Variants in CECR2 observed in about 807,000 individuals in gnomAD.
The protein encoded by CECR2 is chromatin remodeling regulator CECR2.
CECR2 carries 30 observed loss-of-function variants against 154.5 expected under a neutral mutation model. That is an observed-to-expected ratio of 0.19 (90% CI 0.15 to 0.26). CECR2 has a LOEUF of 0.26. CECR2 is among the 10% of genes least tolerant of loss of function. The pLI, the probability that CECR2 is intolerant of heterozygous loss-of-function variation, is 1.00. For synonymous variants in CECR2, 725 were observed against 683.7 expected (o/e 1.06, Z -0.94); for missense variants, 1,743 against 1,829.3 (o/e 0.95, Z 0.86).
chr22:17,467,606 A>AC (rs1357943746), intron 1 of CECR2, among the ~76,000 whole-genome samples: 4 of 152,086 alleles, frequency 2.6e-5, no homozygotes, highest in Non-Finnish European at 5.9e-5. Context: ...ACATGGTGAA[A>AC]CCCCGTCTCT....
chr22:17,543,038 C>T (rs777738654), intron 16 of CECR2, 35 bp downstream of exon 16: 3 of 1,552,630 alleles, frequency 1.9e-6, no homozygotes, highest in Non-Finnish European at 2.6e-6. Context: ...TCTTTAAGCT[C>T]TTGTTTCATG....
At chr22:17,390,875 A>G (rs2063318599) in intron 1 of CECR2, among the ~76,000 whole-genome samples, 1 of 152,236 alleles carries the variant, frequency 6.6e-6, no homozygotes, top group African/African-American at 2.4e-5. Context: ...GAACACTGAT[A>G]AACAATGTTC....
chr22:17,478,886 A>G (rs1401396703), intron 2 of CECR2, among the ~76,000 whole-genome samples: 1 of 152,202 alleles, frequency 6.6e-6, no homozygotes, highest in Non-Finnish European at 1.5e-5. Context: ...TAAACATAAA[A>G]TATACCTTAG....
At chr22:17,439,752 A>G (rs2054556441) in intron 1 of CECR2, among the ~76,000 whole-genome samples, 1 of 152,320 alleles carries the variant, frequency 6.6e-6, no homozygotes, top group African/African-American at 2.4e-5. Flanking sequence ...ATTTTAATCA[A>G]TGGGTACAAA....
At chr22:17,494,770 C>G (rs139906625) in intron 2 of CECR2, among the ~76,000 whole-genome samples, 90 of 152,298 alleles carry the variant, frequency 5.9e-4, no homozygotes, top group Admixed American at 4.8e-3. Flanking sequence ...TCTCGGCTCA[C>G]GGCAAACTCT....
intron 16 of CECR2, among the ~76,000 whole-genome samples, chr22:17,547,481 C>T (rs188728930): frequency 2.4e-4 from 36 of 152,158 alleles, no homozygotes; most frequent in Non-Finnish European, 4.0e-4. Context: ...CTGCCCGCCT[C>T]GGCCTCCCAA....
chr22:17,419,351 A>C (rs557612944), intron 1 of CECR2: 37 of 172,094 alleles, frequency 2.1e-4, no homozygotes, highest in Non-Finnish European at 3.7e-4. Flanking sequence ...GAGAGTGAAG[A>C]AGCACTGTAA....
At chr22:17,462,076 C>A (rs1443750219) in intron 1 of CECR2, among the ~76,000 whole-genome samples, 3 of 151,842 alleles carry the variant, frequency 2.0e-5, no homozygotes, top group Admixed American at 2.0e-4. Flanking sequence ...CAGGCATGAG[C>A]CACCATGCTC....
intron 1 of CECR2, among the ~76,000 whole-genome samples, chr22:17,475,692 T>G (rs1050070196): frequency 6.6e-6 from 1 of 152,184 alleles, no homozygotes; most frequent in Non-Finnish European, 1.5e-5. Context: ...GAGATTGGCC[T>G]GGGAGTTTTG....
intron 1 of CECR2, among the ~76,000 whole-genome samples, chr22:17,373,109 C>G (rs2063079742): frequency 6.6e-6 from 1 of 152,086 alleles, no homozygotes; most frequent in South Asian, 2.1e-4. Flanking sequence ...GTTGCCCAGG[C>G]TGGAGTACAG....
At chr22:17,482,969 C>G (rs1217984119) in intron 2 of CECR2, among the ~76,000 whole-genome samples, 1 of 152,140 alleles carries the variant, frequency 6.6e-6, no homozygotes, top group Non-Finnish European at 1.5e-5. Flanking sequence ...GCGTGAGCCA[C>G]CGCGCCCAGC....
At chr22:17,430,778 C>G (rs529287975) in intron 1 of CECR2, among the ~76,000 whole-genome samples, 16 of 152,118 alleles carry the variant, frequency 1.1e-4, no homozygotes, top group Non-Finnish European at 2.4e-4. Flanking sequence ...GTTTTAAAAA[C>G]AGCTCACTCC....
chr22:17,420,468 A>G (rs1345608149), intron 1 of CECR2, among the ~76,000 whole-genome samples: 1 of 152,142 alleles, frequency 6.6e-6, no homozygotes, highest in Non-Finnish European at 1.5e-5. Context: ...TCAAGCCTGT[A>G]GGGTATCTTT....
chr22:17,530,990 C>T (rs182679055), intron 9 of CECR2, among the ~76,000 whole-genome samples: 6 of 152,226 alleles, frequency 3.9e-5, no homozygotes, highest in East Asian at 1.9e-4. Context: ...CCGGTGATGG[C>T]GCCACAACAT....
At chr22:17,418,417 G>C (rs73153501) in intron 1 of CECR2, among the ~76,000 whole-genome samples, 20,349 of 152,178 alleles carry the variant, frequency 0.13, 1,486 homozygotes, top group African/African-American at 0.19. Context: ...TCTTTGCCCG[G>C]AACTGTAGTA....
chr22:17,535,172 G>T (rs1353618552), intron 9 of CECR2, among the ~76,000 whole-genome samples: 1 of 151,764 alleles, frequency 6.6e-6, no homozygotes, highest in Non-Finnish European at 1.5e-5. Context: ...AAAAAAATTA[G>T]CCAGGCGTGG....
At chr22:17,523,404 G>A (rs1231854776) in intron 8 of CECR2, among the ~76,000 whole-genome samples, 3 of 150,480 alleles carry the variant, frequency 2.0e-5, no homozygotes, top group Non-Finnish European at 4.4e-5. Context: ...ACTGTGTTCT[G>A]TTGAGTGACT....
chr22:17,443,517 A>G (rs2054614012), intron 1 of CECR2, among the ~76,000 whole-genome samples: 1 of 152,190 alleles, frequency 6.6e-6, no homozygotes, highest in Non-Finnish European at 1.5e-5. Context: ...ATTCAGTCCC[A>G]GGAGTTTACT....
chr22:17,397,808 A>G (rs2053835549), intron 1 of CECR2, among the ~76,000 whole-genome samples: 1 of 152,154 alleles, frequency 6.6e-6, no homozygotes, highest in African/African-American at 2.4e-5. Context: ...ACACAAATTA[A>G]TTTCTGTGGT....
Sources: allele counts gnomAD v4.1 joint callset (sites outside exome capture counted in the v4.1 genomes callset), GRCh38; gene constraint gnomAD v4.1.1; transcripts MANE v1.5; gene names NCBI Gene and HGNC (gene_info 2026-07-23, HGNC 2026-07-21).